The following POU6F2 variants were observed in gnomAD, a reference collection of about 807,000 sequenced individuals.
The protein encoded by POU6F2 is POU domain, class 6, transcription factor 2.
A neutral mutation model predicts 71.3 loss-of-function variants in POU6F2; 31 were observed. That is an observed-to-expected ratio of 0.43 (90% confidence interval 0.33 to 0.59). The LOEUF (loss-of-function observed/expected upper bound fraction) is 0.59. Ranked by LOEUF, POU6F2 falls within the 20% of genes least tolerant of loss-of-function variation. The pLI is 0.04. For synonymous variants in POU6F2, 347 were observed against 355.7 expected (o/e 0.98, Z 0.27); for missense variants, 783 against 856.8 (o/e 0.91, Z 1.07).
intron 2 of POU6F2, among the ~76,000 whole-genome samples, chr7:39,164,022 A>G (rs1391078248): frequency 2.0e-5 from 3 of 152,188 alleles, no homozygotes; most frequent in Non-Finnish European, 4.4e-5. Flanking sequence ...GAGATCTACT[A>G]TAAATCATGG....
At chr7:39,185,954 A>C (rs1793532478) in intron 2 of POU6F2, among the ~76,000 whole-genome samples, 1 of 151,772 alleles carries the variant, frequency 6.6e-6, no homozygotes, top group African/African-American at 2.4e-5. Flanking sequence ...TCTGTTGCCC[A>C]GGGTGGAGTG....
At chr7:39,421,632 T>C (rs557231562) in intron 6 of POU6F2, among the ~76,000 whole-genome samples, 3 of 152,328 alleles carry the variant, frequency 2.0e-5, no homozygotes, top group Admixed American at 6.5e-5. Flanking sequence ...CACCAATTCC[T>C]GTTGCTCCAA....
At chr7:39,184,053 C>T (rs947835133) in intron 2 of POU6F2, among the ~76,000 whole-genome samples, 1 of 152,160 alleles carries the variant, frequency 6.6e-6, no homozygotes, top group Non-Finnish European at 1.5e-5. Context: ...AGGGTCCTCC[C>T]TTCCTAAGAG....
chr7:39,025,645 C>G (rs1253109010), intron 1 of POU6F2, among the ~76,000 whole-genome samples: 1 of 151,406 alleles, frequency 6.6e-6, no homozygotes, highest in Non-Finnish European at 1.5e-5. Flanking sequence ...CCATAAAAAC[C>G]CTAAAAGAAA....
chr7:39,337,396 A>C (rs578215800), intron 4 of POU6F2, among the ~76,000 whole-genome samples: 55 of 152,376 alleles, frequency 3.6e-4, no homozygotes, highest in Middle Eastern at 3.4e-3. Context: ...GTAACAAGAC[A>C]GAGAGGAAAC....
chr7:39,440,385 T>C (rs1449812071), intron 7 of POU6F2, among the ~76,000 whole-genome samples: 1 of 152,210 alleles, frequency 6.6e-6, no homozygotes, highest in Non-Finnish European at 1.5e-5. Flanking sequence ...TCATTCCTTT[T>C]CTTTCTTTTT....
At chr7:39,366,388 C>A (rs1786501217) in intron 5 of POU6F2, among the ~76,000 whole-genome samples, 1 of 152,064 alleles carries the variant, frequency 6.6e-6, no homozygotes, top group African/African-American at 2.4e-5. Flanking sequence ...ACACACTCTT[C>A]CCCCAGCAGT....
intron 1 of POU6F2, among the ~76,000 whole-genome samples, chr7:39,032,622 C>T (rs1156482490): frequency 6.6e-6 from 1 of 152,196 alleles, no homozygotes; most frequent in African/African-American, 2.4e-5. Flanking sequence ...TGACATAAAC[C>T]TGCATAAGTA....
chr7:39,228,669 T>C (rs1348367377), intron 4 of POU6F2, among the ~76,000 whole-genome samples: 1 of 152,250 alleles, frequency 6.6e-6, no homozygotes, highest in Non-Finnish European at 1.5e-5. Flanking sequence ...CTTTCCATCC[T>C]GTCCATCTGA....
intron 1 of POU6F2, among the ~76,000 whole-genome samples, chr7:38,986,020 A>T (rs1788454667): frequency 6.6e-6 from 1 of 152,150 alleles, no homozygotes; most frequent in African/African-American, 2.4e-5. Flanking sequence ...AATGAAAATG[A>T]GGCAGTCTAG....
intron 2 of POU6F2, among the ~76,000 whole-genome samples, chr7:39,185,903 ATATATGTATATG>A (rs143001733): frequency 0.1 from 15,060 of 149,228 alleles, 859 homozygotes; most frequent in Middle Eastern, 0.14. Flanking sequence ...GTATATGTAT[ATATATGTATATG>A]TATATGTATA....
chr7:39,299,861 C>T (rs1470590269), intron 4 of POU6F2, among the ~76,000 whole-genome samples: 2 of 152,192 alleles, frequency 1.3e-5, no homozygotes. Context: ...TAACTTAGCA[C>T]GCTGGCATGT....
At chr7:39,422,485 C>T (rs1032463364) in intron 6 of POU6F2, among the ~76,000 whole-genome samples, 2 of 152,076 alleles carry the variant, frequency 1.3e-5, no homozygotes, top group Non-Finnish European at 2.9e-5. Flanking sequence ...CACTTTTATT[C>T]AAATTAGAAT....
intron 5 of POU6F2, among the ~76,000 whole-genome samples, chr7:39,391,203 T>G (rs1233539130): frequency 2.0e-5 from 3 of 152,200 alleles, no homozygotes; most frequent in Non-Finnish European, 4.4e-5. Context: ...CTCTGATGAC[T>G]ATCTTGGTCA....
At chr7:39,236,939 A>C (rs1178227222) in intron 4 of POU6F2, among the ~76,000 whole-genome samples, 1 of 152,170 alleles carries the variant, frequency 6.6e-6, no homozygotes, top group Admixed American at 6.5e-5. Context: ...GGCTTTTGTG[A>C]TTTGGTGTAT....
chr7:39,369,575 G>A (rs563968911), intron 5 of POU6F2, among the ~76,000 whole-genome samples: 206 of 152,120 alleles, frequency 1.4e-3, no homozygotes, highest in Non-Finnish European at 1.9e-3. Flanking sequence ...TGTTGGCCGG[G>A]CTGGTCTTGA....
At chr7:39,142,081 G>A (rs372813878) in intron 2 of POU6F2, among the ~76,000 whole-genome samples, 7 of 151,780 alleles carry the variant, frequency 4.6e-5, no homozygotes, top group East Asian at 3.9e-4. Flanking sequence ...AGCAAGACTC[G>A]GTCTAAAGAA....
intron 1 of POU6F2, among the ~76,000 whole-genome samples, chr7:38,999,226 T>C (rs1243023255): frequency 6.6e-6 from 1 of 152,170 alleles, no homozygotes; most frequent in Non-Finnish European, 1.5e-5. Flanking sequence ...CCTCAGTCCT[T>C]GTAAAACTGT....
At chr7:39,421,901 A>AG (rs1787858821) in intron 6 of POU6F2, among the ~76,000 whole-genome samples, 1 of 152,224 alleles carries the variant, frequency 6.6e-6, no homozygotes, top group African/African-American at 2.4e-5. Flanking sequence ...TGGCATCAAC[A>AG]GGCAGAAGCA....
Sources: gnomAD v4.1 joint callset for allele counts (sites outside exome capture counted in the v4.1 genomes callset) on GRCh38, gnomAD v4.1.1 for gene constraint, MANE v1.5 for transcripts, NCBI Gene and HGNC (gene_info 2026-07-23, HGNC 2026-07-21) for gene names.